ATRNL1: variants seen among roughly 807,000 people sequenced by gnomAD.
ATRNL1 encodes the protein attractin like 1.
Under a neutral mutation model 182.7 loss-of-function variants are expected in ATRNL1, and 95 were observed. That is an observed-to-expected ratio of 0.52 (90% CI 0.44 to 0.62). The LOEUF is 0.62. ATRNL1 is among the 20% of genes least tolerant of loss of function. The pLI is 0.00. For synonymous variants in ATRNL1, 576 were observed against 568.3 expected, an observed-to-expected ratio of 1.01 and a Z score of -0.19; for missense variants, 1,471 against 1,679.5, an observed-to-expected ratio of 0.88 and a Z score of 2.17.
chr10:115,890,182 G>T (rs1196811234), intron 28 of ATRNL1, among the ~76,000 whole-genome samples: 1 of 152,156 alleles, frequency 6.6e-6, no homozygotes, highest in Non-Finnish European at 1.5e-5. Context: ...ATAAATCATT[G>T]TCCTTATACC....
At chr10:115,631,752 A>G (rs782028773) in intron 26 of ATRNL1, among the ~76,000 whole-genome samples, 1 of 152,130 alleles carries the variant, frequency 6.6e-6, no homozygotes, top group South Asian at 2.1e-4. Context: ...CAGTGCTGCT[A>G]CCAAATCTAA....
chr10:115,694,048 A>T lies in ATRNL1; in HGVS notation c.3796-33200A>T, dbSNP rs1370589688. 3.3e-5 allele frequency among the ~76,000 whole-genome samples: 5 copies of T among 152,062 alleles called. 1 individual carries two copies. Among genetic ancestry groups the T allele is most frequent in the Admixed American group, 3.3e-4 (5 of 15,234 alleles). Reference sequence around the variant, plus strand: ...AATACCAGATGACTATCCATATAGTAACCCATGTATAATCCCTAAATCATA... The same window carrying T: ...AATACCAGATGACTATCCATATAGTTACCCATGTATAATCCCTAAATCATA... On this transcript the variant is annotated intron_variant, in intron 26 of 28. Transcript: ENST00000355044.
intron 26 of ATRNL1, among the ~76,000 whole-genome samples, chr10:115,682,659 A>T (rs565032977): frequency 2.7e-4 from 41 of 150,446 alleles, no homozygotes; most frequent in Admixed American, 1.2e-3. Context: ...AACACTCAAT[A>T]GATAATACAT....
At chr10:115,714,482 C>T (rs1374102221) in intron 26 of ATRNL1, among the ~76,000 whole-genome samples, 2 of 152,154 alleles carry the variant, frequency 1.3e-5, no homozygotes, top group African/African-American at 4.8e-5. Context: ...AGTGTGCATT[C>T]CTCCCATTGC....
At chr10:115,494,519 A>G (rs1178126917) in intron 24 of ATRNL1, among the ~76,000 whole-genome samples, 1 of 152,144 alleles carries the variant, frequency 6.6e-6, no homozygotes, top group Admixed American at 6.5e-5. Context: ...TGTTCCTTCA[A>G]TGCCTAGTTT....
intron 27 of ATRNL1, among the ~76,000 whole-genome samples, chr10:115,744,104 A>G (rs894511601): frequency 5.9e-5 from 9 of 152,132 alleles, no homozygotes; most frequent in African/African-American, 1.7e-4. Context: ...AATGTATTGC[A>G]TATGTGGCCT....
intron 19 of ATRNL1, among the ~76,000 whole-genome samples, chr10:115,389,642 A>G (rs1426037103): frequency 7.0e-6 from 1 of 142,508 alleles, no homozygotes; most frequent in South Asian, 2.2e-4. Flanking sequence ...GCTATTGTGA[A>G]TAATGCTGCA....
chr10:115,263,795 C>A (rs1313343901), intron 10 of ATRNL1, among the ~76,000 whole-genome samples: 1 of 151,748 alleles, frequency 6.6e-6, no homozygotes, highest in Admixed American at 6.6e-5. Flanking sequence ...ATAATATTTT[C>A]TAAAATGTGA....
At chr10:115,394,961 A>G (rs1554955207) in intron 20 of ATRNL1, among the ~76,000 whole-genome samples, 1 of 151,950 alleles carries the variant, frequency 6.6e-6, no homozygotes, top group Non-Finnish European at 1.5e-5. Context: ...GATTGATCCC[A>G]TTATCCAGAT....
At chr10:115,713,946 T>C (rs1439001730) in intron 26 of ATRNL1, among the ~76,000 whole-genome samples, 2 of 152,242 alleles carry the variant, frequency 1.3e-5, no homozygotes, top group Non-Finnish European at 2.9e-5. Flanking sequence ...CTTTGTAGTT[T>C]ACTATGTTTG....
intron 26 of ATRNL1, among the ~76,000 whole-genome samples, chr10:115,704,283 C>T (rs1464922096): frequency 6.6e-6 from 1 of 151,810 alleles, no homozygotes; most frequent in African/African-American, 2.4e-5. Context: ...TCTTTGCCTT[C>T]TTCATATGGC....
At chr10:115,861,273 C>G (rs782707205) in intron 28 of ATRNL1, among the ~76,000 whole-genome samples, 1 of 152,150 alleles carries the variant, frequency 6.6e-6, no homozygotes, top group Non-Finnish European at 1.5e-5. Flanking sequence ...ATTTTTCTTA[C>G]GCTGTCTCCG....
chr10:115,916,142 A>T (rs74734768), intron 28 of ATRNL1, among the ~76,000 whole-genome samples: 2,595 of 152,308 alleles, frequency 0.017, 56 homozygotes, highest in African/African-American at 0.059. Flanking sequence ...TCCAGTTTAA[A>T]TGGACCATCT....
chr10:115,534,702 C>T (rs769223195), intron 25 of ATRNL1, among the ~76,000 whole-genome samples: 7 of 151,956 alleles, frequency 4.6e-5, no homozygotes, highest in African/African-American at 9.7e-5. Context: ...TTCCTAGTCT[C>T]GATGGTCTTT....
At chr10:115,372,490 C>A (rs1216084256) in intron 19 of ATRNL1, among the ~76,000 whole-genome samples, 1 of 152,050 alleles carries the variant, frequency 6.6e-6, no homozygotes, top group Non-Finnish European at 1.5e-5. Flanking sequence ...CTATGTTTTT[C>A]TCTAAGAATT....
At chr10:115,408,267 T>A (rs1554958875) in intron 20 of ATRNL1, among the ~76,000 whole-genome samples, 1 of 151,642 alleles carries the variant, frequency 6.6e-6, no homozygotes, top group East Asian at 1.9e-4. Context: ...CCTCCCAAAG[T>A]GCTGGGATTA....
intron 20 of ATRNL1, among the ~76,000 whole-genome samples, chr10:115,412,942 T>TG (rs1171561093): frequency 6.6e-6 from 1 of 152,194 alleles, no homozygotes; most frequent in East Asian, 1.9e-4. Context: ...TGCATTTCTT[T>TG]GGGGGATCTA....
chr10:115,560,951 A>C (rs1254631833), intron 26 of ATRNL1, among the ~76,000 whole-genome samples: 8 of 152,220 alleles, frequency 5.3e-5, no homozygotes, highest in Admixed American at 4.6e-4. Flanking sequence ...GGGTAGCCAC[A>C]AGCAAAAGAG....
chr10:115,855,264 G>A (rs1951152935), intron 28 of ATRNL1, among the ~76,000 whole-genome samples: 1 of 151,966 alleles, frequency 6.6e-6, no homozygotes, highest in Non-Finnish European at 1.5e-5. Flanking sequence ...GCTGTTTCTT[G>A]TACCCGAAAT....
Sources: allele counts gnomAD v4.1 joint callset (sites outside exome capture counted in the v4.1 genomes callset), GRCh38; gene constraint gnomAD v4.1.1; transcripts MANE v1.5; gene names NCBI Gene and HGNC (gene_info 2026-07-23, HGNC 2026-07-21).